The following KIAA0513 variants were observed in gnomAD, a reference collection of about 807,000 sequenced individuals.
KIAA0513 encodes the protein KIAA0513, also known as uncharacterized protein KIAA0513.
A neutral mutation model predicts 56.5 loss-of-function variants in KIAA0513; 39 were observed. The observed-to-expected ratio is 0.69, with a 90% confidence interval of 0.53 to 0.90. KIAA0513 has a LOEUF of 0.90. KIAA0513 is among the 40% of genes least tolerant of loss of function. KIAA0513 has a pLI of 0.00. For synonymous variants in KIAA0513, 268 were observed against 215.6 expected, an observed-to-expected ratio of 1.24 and a Z score of -2.13; for missense variants, 591 against 535.2, an observed-to-expected ratio of 1.10 and a Z score of -1.03.
chr16:85,036,431 T>G (rs963766930), intron 1 of KIAA0513, among the ~76,000 whole-genome samples: 1 of 152,212 alleles, frequency 6.6e-6, no homozygotes, highest in Non-Finnish European at 1.5e-5. Flanking sequence ...AATTGTCCAG[T>G]ATGTGGCCTT....
intron 1 of KIAA0513, among the ~76,000 whole-genome samples, chr16:85,039,182 G>A (rs192137490): frequency 8.7e-4 from 133 of 152,222 alleles, no homozygotes; most frequent in Admixed American, 1.2e-3. Context: ...TAGAGGTCAC[G>A]GAATAGTCAG....
chr16:85,040,076 C>T (rs1023908931), intron 1 of KIAA0513, among the ~76,000 whole-genome samples: 2 of 152,222 alleles, frequency 1.3e-5, no homozygotes, highest in East Asian at 1.9e-4. Flanking sequence ...TCAGGTGATC[C>T]GCCCGCCTCA....
intron 1 of KIAA0513, among the ~76,000 whole-genome samples, chr16:85,055,047 C>T (rs1022435871): frequency 3.3e-5 from 5 of 152,082 alleles, no homozygotes; most frequent in Admixed American, 2.6e-4. Flanking sequence ...CTCAGCCTCC[C>T]GAGTAGCTGG....
rs866874520 is a variant in KIAA0513, at chr16:85,082,769, C to T, written c.1010+176C>T. On this transcript the variant is annotated intron_variant, in intron 10 of 12. Transcript: ENST00000683363. ...TGGGGAGGTGAGGCCAGCGCTAGGG[C>T]AGGCTGGCAATGCGTCCCAGAACTG... 9.2e-5 allele frequency among the ~76,000 whole-genome samples: 14 copies of T among 152,200 alleles called. No homozygotes were observed. Among genetic ancestry groups the T allele is most frequent in the Admixed American group, 8.5e-4 (13 of 15,278 alleles).
chr16:85,051,402 A>G (rs562186771), intron 1 of KIAA0513, among the ~76,000 whole-genome samples: 1 of 152,330 alleles, frequency 6.6e-6, no homozygotes, highest in African/African-American at 2.4e-5. Context: ...AAGCTTTATA[A>G]AATGTTATCT....
chr16:85,081,359 A>G lies in KIAA0513; in HGVS notation c.947A>G (p.His316Arg). Residue 316 changes from histidine (H) to arginine (R), a missense_variant, in exon 9 of 13, where the codon CAT becomes CGT. His to Arg is a conservative substitution (Grantham distance 29). Coordinates refer to ENST00000683363, the MANE Select transcript of KIAA0513 (RefSeq NM_001388359.1). The surrounding 1 kb of genome is among the most constrained non-coding windows in gnomAD (Gnocchi z 4.4). The part of the protein sequence containing the change: ...FWNAAFFDAV[H>R]CERTKRSPTT... The stretch of plus-strand genomic sequence containing the variant: ...AATGCAGCCTTTTTTGACGCTGTCC[A>G]TTGTGAGAGGACAAAGCGATCTCCC... 1 of 1,592,982 alleles carries G rather than the reference A, an allele frequency of 6.3e-7. No homozygotes were observed. Among genetic ancestry groups the G allele is most frequent in the Non-Finnish European group, 8.6e-7 (1 of 1,169,572 alleles).
chr16:85,034,415 T>C (rs1208395104), intron 1 of KIAA0513, among the ~76,000 whole-genome samples: 2 of 152,114 alleles, frequency 1.3e-5, no homozygotes, highest in Non-Finnish European at 2.9e-5. Context: ...AGCTGATGAC[T>C]GTACTCCTGC....
chr16:85,048,500 T>C (rs2073202315), intron 1 of KIAA0513, among the ~76,000 whole-genome samples: 2 of 151,552 alleles, frequency 1.3e-5, no homozygotes, highest in Admixed American at 1.3e-4. Flanking sequence ...TCTCTCTCTC[T>C]CTCTTTCTCT....
chr16:85,041,085 A>G (rs1214382191), intron 1 of KIAA0513, among the ~76,000 whole-genome samples: 1 of 152,206 alleles, frequency 6.6e-6, no homozygotes, highest in Non-Finnish European at 1.5e-5. Context: ...CTCCTGTTTT[A>G]TTATGGGTAG....
intron 1 of KIAA0513, among the ~76,000 whole-genome samples, chr16:85,041,502 G>A (rs1021717829): frequency 6.6e-6 from 1 of 152,142 alleles, no homozygotes; most frequent in African/African-American, 2.4e-5. Flanking sequence ...GAAAGGAAGG[G>A]TCATGTCCTA....
At chr16:85,053,877 A>C (rs1479796110) in intron 1 of KIAA0513, among the ~76,000 whole-genome samples, 2 of 151,960 alleles carry the variant, frequency 1.3e-5, no homozygotes, top group Non-Finnish European at 2.9e-5. Flanking sequence ...CTGTAGTCCC[A>C]GCTACTCAGG....
At chr16:85,032,016 C>T (rs2072971710) in intron 1 of KIAA0513, among the ~76,000 whole-genome samples, 1 of 152,178 alleles carries the variant, frequency 6.6e-6, no homozygotes, top group Non-Finnish European at 1.5e-5. Flanking sequence ...AAGAACCACG[C>T]ACTGGGGCTT....
intron 5 of KIAA0513, 128 bp from the exon 6 acceptor site, chr16:85,077,297 C>G (rs12597000): frequency 0.35 from 291,022 of 833,904 alleles, 51,503 homozygotes; most frequent in Middle Eastern, 0.42. Flanking sequence ...CCCCTGTCCT[C>G]GGCTGAGGAG....
At chr16:85,034,194 C>G (rs374106219) in intron 1 of KIAA0513, among the ~76,000 whole-genome samples, 24 of 152,186 alleles carry the variant, frequency 1.6e-4, no homozygotes, top group African/African-American at 5.8e-4. Flanking sequence ...GCCTGGCCAA[C>G]ATGGTGAAAA....
intron 1 of KIAA0513, among the ~76,000 whole-genome samples, chr16:85,039,679 G>C (rs1377379827): frequency 3.3e-5 from 5 of 151,986 alleles, no homozygotes; most frequent in Non-Finnish European, 5.9e-5. Context: ...CGCCATGTTG[G>C]CCAGGCTGGT....
chr16:85,036,885 C>T (rs1597589027), intron 1 of KIAA0513, among the ~76,000 whole-genome samples: 1 of 152,106 alleles, frequency 6.6e-6, no homozygotes, highest in Non-Finnish European at 1.5e-5. Context: ...GTGTCTGAGG[C>T]CCGCCTTGCT....
intron 10 of KIAA0513, among the ~76,000 whole-genome samples, chr16:85,086,326 A>C (rs1378355051): frequency 6.6e-6 from 1 of 152,194 alleles, no homozygotes; most frequent in Non-Finnish European, 1.5e-5. Context: ...CTCTGGGGCC[A>C]CCCTCGCTGC....
intron 5 of KIAA0513, among the ~76,000 whole-genome samples, chr16:85,077,063 G>C (rs969044733): frequency 1.3e-5 from 2 of 152,136 alleles, no homozygotes; most frequent in Non-Finnish European, 2.9e-5. Context: ...CCCATTCCAG[G>C]GGCCTGGTGC....
chr16:85,035,817 AAG>A (rs1426482924), intron 1 of KIAA0513, among the ~76,000 whole-genome samples: 1 of 152,020 alleles, frequency 6.6e-6, no homozygotes, highest in Admixed American at 6.6e-5. Context: ...TCTCTACTAA[AAG>A]AATACAAAAA....
Sources: allele counts gnomAD v4.1 joint callset (sites outside exome capture counted in the v4.1 genomes callset), GRCh38; gene constraint gnomAD v4.1.1; non-coding constraint Gnocchi (gnomAD v3.1); transcripts MANE v1.5; gene names NCBI Gene and HGNC (gene_info 2026-07-23, HGNC 2026-07-21).